The following DNA2 variants were observed in gnomAD, a reference collection of about 807,000 sequenced individuals.
DNA2 encodes the protein DNA replication helicase/nuclease 2, also known as DNA replication ATP-dependent helicase/nuclease DNA2.
Under a neutral mutation model 119.1 loss-of-function variants are expected in DNA2, and 101 were observed. That is an observed-to-expected ratio of 0.85 (90% confidence interval 0.72 to 1.00). The LOEUF (loss-of-function observed/expected upper bound fraction) is 1.00. Ranked by LOEUF, DNA2 falls within the 50% of genes least tolerant of loss-of-function variation. DNA2 has a pLI of 0.00. For missense variants in DNA2, 1,121 were observed against 1,255.5 expected (o/e 0.89, Z 1.62); for synonymous variants, 366 against 424.4 (o/e 0.86, Z 1.69).
intron 10 of DNA2, among the ~76,000 whole-genome samples, chr10:68,434,979 C>T (rs1467874839): frequency 6.6e-6 from 1 of 152,174 alleles, no homozygotes; most frequent in African/African-American, 2.4e-5. Context: ...TGCTGGAAAA[C>T]ACAATCCATC....
At chr10:68,462,264 C>T (rs2052269779) in intron 4 of DNA2, among the ~76,000 whole-genome samples, 2 of 151,946 alleles carry the variant, frequency 1.3e-5, no homozygotes, top group Admixed American at 1.3e-4. Context: ...CCCAGCTACT[C>T]AGGAGGCTGA....
At chr10:68,424,503 C>CAAAAAA in intron 14 of DNA2, 2 of 475,466 alleles carry the variant, frequency 4.2e-6, no homozygotes, top group Non-Finnish European at 7.7e-6. Flanking sequence ...GTCACTGTCT[C>CAAAAAA]AAAAAAAAAA....
chr10:68,416,483 C>T (rs2051590900), intron 20 of DNA2: 2 of 419,696 alleles, frequency 4.8e-6, no homozygotes, highest in Non-Finnish European at 8.7e-6. Flanking sequence ...AATAATACTC[C>T]ATTTTAATCT....
At chr10:68,466,642 G>T (rs532317023) in intron 3 of DNA2, among the ~76,000 whole-genome samples, 1 of 150,390 alleles carries the variant, frequency 6.6e-6, no homozygotes, top group Non-Finnish European at 1.5e-5. Flanking sequence ...GCAGCCGCGC[G>T]ACTTTTGCTC....
chr10:68,457,101 T>G (rs907324020), intron 5 of DNA2, among the ~76,000 whole-genome samples: 1 of 148,102 alleles, frequency 6.8e-6, no homozygotes, highest in East Asian at 2.0e-4. Context: ...GCCACTGCAC[T>G]CCAGCCTGGG....
At chr10:68,461,931 C>G (rs1405420963) in intron 4 of DNA2, among the ~76,000 whole-genome samples, 1 of 150,104 alleles carries the variant, frequency 6.7e-6, no homozygotes, top group African/African-American at 2.5e-5. Flanking sequence ...CAGAGAGACA[C>G]CTTACCTCAA....
intron 12 of DNA2, 98 bp from the exon 13 acceptor site, chr10:68,432,069 C>T: frequency 1.7e-6 from 2 of 1,169,854 alleles, no homozygotes; most frequent in South Asian, 2.8e-5. Flanking sequence ...CAAGTCTATT[C>T]TTCAATACAA....
intron 5 of DNA2, among the ~76,000 whole-genome samples, chr10:68,458,731 C>A (rs2052217984): frequency 6.6e-6 from 1 of 151,818 alleles, no homozygotes; most frequent in Non-Finnish European, 1.5e-5. Flanking sequence ...GCCTGTAATC[C>A]CACCTACTTG....
chr10:68,423,600 C>T (rs2051695183), intron 14 of DNA2, among the ~76,000 whole-genome samples: 1 of 152,226 alleles, frequency 6.6e-6, no homozygotes, highest in Non-Finnish European at 1.5e-5. Context: ...CACCAGCAAA[C>T]AGGGAGGAGG....
chr10:68,439,563 T>A (rs2051938972), intron 9 of DNA2, among the ~76,000 whole-genome samples: 1 of 151,716 alleles, frequency 6.6e-6, no homozygotes, highest in African/African-American at 2.4e-5. Context: ...AATAGCCAGG[T>A]GCTGTGGCTC....
intron 5 of DNA2, among the ~76,000 whole-genome samples, chr10:68,457,827 G>C (rs959517292): frequency 6.6e-6 from 1 of 150,656 alleles, no homozygotes; most frequent in South Asian, 2.1e-4. Context: ...CCATATGACA[G>C]TCAACACATG....
intron 19 of DNA2, among the ~76,000 whole-genome samples, chr10:68,417,404 A>C (rs1590044282): frequency 6.6e-6 from 1 of 150,876 alleles, no homozygotes; most frequent in East Asian, 1.9e-4. Context: ...AAAAAAAAAA[A>C]AAAAAAAACA....
chr10:68,448,950 TGTGTGTGTGTGTGTGTGC>T (rs529095360), intron 6 of DNA2, among the ~76,000 whole-genome samples: 2,137 of 133,262 alleles, frequency 0.016, 33 homozygotes, highest in South Asian at 0.037. Flanking sequence ...TGTGTGTGTG[TGTGTGTGTGTGTGTGTGC>T]GTGTGTGTGT....
chr10:68,455,446 AACAATCTATTC>A (rs1564893370), intron 5 of DNA2, among the ~76,000 whole-genome samples: 1 of 152,198 alleles, frequency 6.6e-6, no homozygotes, highest in South Asian at 2.1e-4. Context: ...AGAAAAACTA[AACAATCTATTC>A]ACTCTAGCTT....
chr10:68,456,777 G>A (rs1386850599), intron 5 of DNA2, among the ~76,000 whole-genome samples: 1 of 151,192 alleles, frequency 6.6e-6, no homozygotes, highest in Non-Finnish European at 1.5e-5. Flanking sequence ...AGAGAACATT[G>A]AGAATATTAG....
At chr10:68,455,672 T>C (rs749664187) in intron 5 of DNA2, among the ~76,000 whole-genome samples, 8 of 151,876 alleles carry the variant, frequency 5.3e-5, no homozygotes, top group Middle Eastern at 3.4e-3. Context: ...AATACAAAAA[T>C]TAGCCAGGCG....
At chr10:68,415,337 T>G (rs1247287761) in intron 20 of DNA2, among the ~76,000 whole-genome samples, 1 of 151,156 alleles carries the variant, frequency 6.6e-6, no homozygotes, top group Non-Finnish European at 1.5e-5. Flanking sequence ...AGTGCAATGG[T>G]GCGATCTCAG....
Position 68,445,098 on chromosome 10 carries a change from G to C in DNA2, c.1058-15C>G, listed in dbSNP as rs1326982896. On this transcript the variant is annotated splice_polypyrimidine_tract_variant and intron_variant, in intron 7 of 20. Transcript: ENST00000358410. ...CTTTAATAATTCTATGAAAAAAAAG[G>C]TGAATGTCTTTTTAAGAGTTAAATA... 7 of 1,577,762 alleles carry C rather than the reference G, an allele frequency of 4.4e-6. No homozygotes were observed. Among genetic ancestry groups the C allele is most frequent in the Non-Finnish European group, 5.2e-6 (6 of 1,160,380 alleles).
At position 68,459,105 on chromosome 10, in the gene DNA2, G is replaced by A. The variant is rs2052222529; in HGVS notation, c.718C>T (p.Leu240=). Residue 240 remains leucine (L), a splice_region_variant and synonymous_variant, in exon 5 of 21, where the codon CTG becomes TTG. Transcript: ENST00000358410. ...STDFPQMQLS[L]PSDNSKDNST... is the part of the protein sequence containing the mutation. The stretch of plus-strand genomic sequence containing the variant: ...ATATAAACAAAATGTGTTTCTTACA[G>A]AGAGAGCTGCATCTGAGGGAAGTCA... The A allele has an allele frequency of 1.3e-6, 2 of 1,593,206 alleles. No homozygotes were observed. Among genetic ancestry groups the A allele is most frequent in the Non-Finnish European group, 1.7e-6 (2 of 1,170,154 alleles).
Sources: allele counts gnomAD v4.1 joint callset (sites outside exome capture counted in the v4.1 genomes callset), GRCh38; gene constraint gnomAD v4.1.1; transcripts MANE v1.5; gene names NCBI Gene and HGNC (gene_info 2026-07-23, HGNC 2026-07-21).